The following SHTN1 variants were observed in gnomAD, a reference collection of about 807,000 sequenced individuals.
SHTN1 encodes the protein shootin 1.
Under a neutral mutation model 83.1 loss-of-function variants are expected in SHTN1, and 42 were observed. The observed-to-expected ratio is 0.51, with a 90% CI of 0.39 to 0.65. The LOEUF is 0.65. Among genes scored for constraint, SHTN1 ranks in the 30% least tolerant of loss-of-function variants. SHTN1 has a pLI of 0.00. For missense variants in SHTN1, 622 were observed against 737.8 expected (o/e 0.84, Z 1.82); for synonymous variants, 224 against 247.7 (o/e 0.90, Z 0.90).
intron 1 of SHTN1, among the ~76,000 whole-genome samples, chr10:116,985,975 G>A (rs567467952): frequency 6.6e-6 from 1 of 152,268 alleles, no homozygotes; most frequent in South Asian, 2.1e-4. Flanking sequence ...AAACAAAGGT[G>A]ACAGATTTCA....
At chr10:116,924,906 C>CA (rs1021769136) in intron 11 of SHTN1, among the ~76,000 whole-genome samples, 23 of 152,066 alleles carry the variant, frequency 1.5e-4, no homozygotes, top group African/African-American at 4.8e-4. Context: ...TACAGGCACC[C>CA]ACCACGCCTG....
chr10:117,028,650 G>A (rs1231103718), intron 2 of SHTN1, among the ~76,000 whole-genome samples: 1 of 152,100 alleles, frequency 6.6e-6, no homozygotes, highest in East Asian at 1.9e-4. Context: ...GGTACAACCT[G>A]GGCCACTTCT....
intron 2 of SHTN1, among the ~76,000 whole-genome samples, chr10:117,013,920 G>GTA (rs892347856): frequency 1.3e-5 from 2 of 151,804 alleles, no homozygotes; most frequent in African/African-American, 2.4e-5. Flanking sequence ...ATGTGTGTGT[G>GTA]TATATATATA....
At chr10:117,124,963 C>G (rs1399350523) in intron 1 of SHTN1, among the ~76,000 whole-genome samples, 1 of 151,986 alleles carries the variant, frequency 6.6e-6, no homozygotes, top group African/African-American at 2.4e-5. Flanking sequence ...AACCTTGCCC[C>G]GAGTTACTTG....
intron 12 of SHTN1, among the ~76,000 whole-genome samples, chr10:116,920,336 T>G (rs1848514731): frequency 6.6e-6 from 1 of 152,166 alleles, no homozygotes; most frequent in South Asian, 2.1e-4. Context: ...CAGACTCCAG[T>G]GCATCTAGCC....
chr10:117,085,223 G>C (rs1040004008), intron 1 of SHTN1, among the ~76,000 whole-genome samples: 1 of 151,804 alleles, frequency 6.6e-6, no homozygotes, highest in Non-Finnish European at 1.5e-5. Context: ...GTTTCCTTAG[G>C]TTAAAAAACA....
intron 1 of SHTN1, among the ~76,000 whole-genome samples, chr10:117,003,149 T>C (rs1245927530): frequency 6.6e-6 from 1 of 152,024 alleles, no homozygotes; most frequent in African/African-American, 2.4e-5. Flanking sequence ...TAAGAAGATC[T>C]GATATCCACT....
chr10:116,927,821 T>C lies in SHTN1; in HGVS notation c.1083A>G (p.Pro361=), dbSNP rs1398565669. ...TAGGATTGGGAGGTGGAGGGGGAAG[T>C]GGTGGTGGAGGAGGAGGTGGTGGAG... is the stretch of plus-strand genomic sequence containing the variant. ...SVPPPPPPPP[P]LPPPPPNPIR... Residue 361 remains proline (P), a synonymous_variant, in exon 11 of 17, where the codon CCA becomes CCG. Transcript: ENST00000355371. 6.3e-7 allele frequency: 1 copy of C among 1,599,156 alleles called. No individual in the cohort carries two copies. Among genetic ancestry groups the C allele is most frequent in the Admixed American group, 1.7e-5 (1 of 57,990 alleles).
intron 2 of SHTN1, among the ~76,000 whole-genome samples, chr10:116,971,866 G>A (rs144545222): frequency 1.1e-4 from 17 of 152,216 alleles, no homozygotes; most frequent in African/African-American, 3.9e-4. Context: ...CTACCTAAAG[G>A]AATTAGAGGT....
chr10:117,005,399 A>AG (rs1208999818), upstream of SHTN1: 36 of 1,157,242 alleles, frequency 3.1e-5, no homozygotes, highest in East Asian at 1.2e-4. Flanking sequence ...CGCTGGTGGG[A>AG]GGGGGGGCGG....
intron 3 of SHTN1, among the ~76,000 whole-genome samples, chr10:116,964,808 C>A (rs1057222958): frequency 2.6e-5 from 4 of 152,028 alleles, no homozygotes; most frequent in Non-Finnish European, 2.9e-5. Flanking sequence ...CATGGTGAAA[C>A]CCTGTCTATA....
intron 2 of SHTN1, among the ~76,000 whole-genome samples, chr10:116,970,445 G>A (rs1850573538): frequency 6.6e-6 from 1 of 152,176 alleles, no homozygotes; most frequent in Non-Finnish European, 1.5e-5. Flanking sequence ...GCCGGGCACG[G>A]TGGCTCAAGT....
Position 116,954,124 on chromosome 10 carries a change from G to T in SHTN1, c.354C>A (p.Asn118Lys). ...LGPDVITEEI[N>K]IDDEDSTTDT... The stretch of plus-strand genomic sequence containing the variant: ...CTGTAGTCGAATCTTCATCATCAAT[G>T]TTTATCTCTTCAGTTATTACATCTG... The change falls in exon 5 of 17, where the codon AAC becomes AAA. Residue 118 changes from asparagine (N) to lysine (K), a missense_variant. Transcript: ENST00000355371. The T allele has an allele frequency of 6.2e-7, 1 of 1,613,608 alleles. No homozygotes were observed. Among genetic ancestry groups the T allele is most frequent in the Non-Finnish European group, 8.5e-7 (1 of 1,179,678 alleles).
At chr10:117,012,571 G>A (rs970477602) in intron 2 of SHTN1, among the ~76,000 whole-genome samples, 4 of 151,848 alleles carry the variant, frequency 2.6e-5, no homozygotes, top group East Asian at 1.9e-4. Context: ...AAAAGGAGCC[G>A]CAACACATGC....
intron 5 of SHTN1, among the ~76,000 whole-genome samples, chr10:116,953,637 T>TTTC (rs1345930816): frequency 7.0e-6 from 1 of 143,628 alleles, no homozygotes; most frequent in East Asian, 2.0e-4. Context: ...TTTTTTTTTT[T>TTTC]TTTTTTTTGA....
chr10:117,061,620 C>G (rs918729754), intron 1 of SHTN1, among the ~76,000 whole-genome samples: 3 of 151,972 alleles, frequency 2.0e-5, no homozygotes, highest in African/African-American at 4.8e-5. Flanking sequence ...CAGGTATGGG[C>G]CACCATGCAC....
intron 12 of SHTN1, among the ~76,000 whole-genome samples, chr10:116,920,810 T>C (rs1311171348): frequency 1.3e-5 from 2 of 152,054 alleles, no homozygotes; most frequent in African/African-American, 2.4e-5. Context: ...CCTGGACACT[T>C]TGGACCTTTG....
intron 1 of SHTN1, among the ~76,000 whole-genome samples, chr10:117,083,053 T>C (rs1378056353): frequency 2.0e-5 from 3 of 151,586 alleles, no homozygotes; most frequent in African/African-American, 7.3e-5. Flanking sequence ...TTAATAGTGT[T>C]ATGTGTGAAT....
At chr10:116,898,582 C>T (rs150563140) in intron 16 of SHTN1, among the ~76,000 whole-genome samples, 171 of 152,194 alleles carry the variant, frequency 1.1e-3, no homozygotes, top group Non-Finnish European at 1.8e-3. Flanking sequence ...ATAACGTTCA[C>T]ATTCACTGTG....
Sources: allele counts gnomAD v4.1 joint callset (sites outside exome capture counted in the v4.1 genomes callset), GRCh38; gene constraint gnomAD v4.1.1; transcripts MANE v1.5; gene names NCBI Gene and HGNC (gene_info 2026-07-23, HGNC 2026-07-21).